PCSK5: variants seen among roughly 807,000 people sequenced by gnomAD.
The protein encoded by PCSK5 is proprotein convertase subtilisin/kexin type 5.
A neutral mutation model predicts 233.2 loss-of-function variants in PCSK5; 129 were observed. That is an observed-to-expected ratio of 0.55 (90% CI 0.48 to 0.64). The LOEUF (loss-of-function observed/expected upper bound fraction) is 0.64, where lower values mean the gene tolerates loss of function less well. Ranked by LOEUF, PCSK5 falls within the 30% of genes least tolerant of loss-of-function variation. The pLI, the probability that PCSK5 is intolerant of heterozygous loss-of-function variation, is 0.00. For missense variants in PCSK5, 2,076 were observed against 2,430.1 expected (o/e 0.85, Z 3.06); for synonymous variants, 825 against 879.2 (o/e 0.94, Z 1.09).
At chr9:76,140,111 TG>T (rs1469249924) in intron 10 of PCSK5, among the ~76,000 whole-genome samples, 2 of 152,166 alleles carry the variant, frequency 1.3e-5, no homozygotes, top group African/African-American at 2.4e-5. Flanking sequence ...GGTTTCATTT[TG>T]TTTTGCCCTT....
intron 22 of PCSK5, among the ~76,000 whole-genome samples, chr9:76,236,325 C>T (rs2131323281): frequency 6.6e-6 from 1 of 152,238 alleles, no homozygotes; most frequent in Admixed American, 6.5e-5. Context: ...ACTTTCTCAC[C>T]TAACAGAATC....
At chr9:75,974,960 AAGCTAG>A (rs1825953752) in intron 2 of PCSK5, among the ~76,000 whole-genome samples, 1 of 152,194 alleles carries the variant, frequency 6.6e-6, no homozygotes, top group Admixed American at 6.5e-5. Context: ...TTGATTCATA[AAGCTAG>A]AGCTTGCCAA....
chr9:76,261,140 T>C (rs895334535), intron 24 of PCSK5, among the ~76,000 whole-genome samples: 53 of 152,236 alleles, frequency 3.5e-4, no homozygotes, highest in African/African-American at 1.2e-3. Flanking sequence ...TTAACAACAC[T>C]AAAGAGGTAC....
intron 24 of PCSK5, among the ~76,000 whole-genome samples, chr9:76,266,331 A>C (rs1020585218): frequency 1.3e-5 from 2 of 152,214 alleles, no homozygotes; most frequent in Non-Finnish European, 2.9e-5. Context: ...ATTGTAAAAA[A>C]TAATTACATG....
At chr9:76,023,530 T>C (rs1449114325) in intron 3 of PCSK5, among the ~76,000 whole-genome samples, 6 of 151,910 alleles carry the variant, frequency 3.9e-5, no homozygotes, top group Non-Finnish European at 7.4e-5. Flanking sequence ...CTGGGCATGG[T>C]GGTGTGCCTT....
chr9:76,199,418 C>G (rs987645654), intron 20 of PCSK5, among the ~76,000 whole-genome samples: 7 of 152,118 alleles, frequency 4.6e-5, no homozygotes, highest in African/African-American at 1.4e-4. Flanking sequence ...TGGTACATGA[C>G]TATAATTAAT....
chr9:76,029,641 C>G (rs1340266831), intron 5 of PCSK5, among the ~76,000 whole-genome samples: 2 of 152,082 alleles, frequency 1.3e-5, no homozygotes, highest in African/African-American at 2.4e-5. Flanking sequence ...TTTTTAAAGC[C>G]AAGCCCAGCC....
chr9:76,092,270 G>GA (rs1831328516), intron 7 of PCSK5, among the ~76,000 whole-genome samples: 1 of 152,180 alleles, frequency 6.6e-6, no homozygotes, highest in Non-Finnish European at 1.5e-5. Context: ...AGACATGGGG[G>GA]ATTTGGCCAG....
chr9:76,159,244 C>G, intron 12 of PCSK5, 73 bp downstream of exon 12: 1 of 1,373,562 alleles, frequency 7.3e-7, no homozygotes, highest in Non-Finnish European at 1.0e-6. Context: ...TAGAAGGGAA[C>G]AGCTGCTGCT....
intron 22 of PCSK5, among the ~76,000 whole-genome samples, chr9:76,235,528 T>G (rs1292760136): frequency 6.6e-6 from 1 of 152,240 alleles, no homozygotes; most frequent in Non-Finnish European, 1.5e-5. Context: ...TCTTAAACAT[T>G]TATTGCATCC....
intron 36 of PCSK5, among the ~76,000 whole-genome samples, chr9:76,352,138 G>T (rs1292576797): frequency 6.6e-6 from 1 of 152,190 alleles, no homozygotes; most frequent in Admixed American, 6.5e-5. Context: ...GCTGCTGCTT[G>T]CCCATCTTTA....
intron 10 of PCSK5, among the ~76,000 whole-genome samples, chr9:76,144,235 T>C (rs904681447): frequency 4.6e-5 from 7 of 151,248 alleles, no homozygotes; most frequent in African/African-American, 1.7e-4. Context: ...ATATGCTTTC[T>C]TAATATACTG....
intron 30 of PCSK5, among the ~76,000 whole-genome samples, chr9:76,320,458 A>G (rs1247982848): frequency 9.7e-6 from 1 of 103,392 alleles, no homozygotes; most frequent in Non-Finnish European, 2.0e-5. Context: ...AAAAAAGTAC[A>G]TTGTAGCTTT....
chr9:76,260,538 AG>A (rs1416521253), intron 24 of PCSK5, among the ~76,000 whole-genome samples: 1 of 152,230 alleles, frequency 6.6e-6, no homozygotes, highest in Non-Finnish European at 1.5e-5. Flanking sequence ...CAAAAAATGC[AG>A]GTGGCATCTA....
intron 2 of PCSK5, among the ~76,000 whole-genome samples, chr9:75,966,186 G>A (rs17061846): frequency 6.8e-6 from 1 of 147,588 alleles, no homozygotes; most frequent in Non-Finnish European, 1.5e-5. Flanking sequence ...ACTGAGGCAG[G>A]GCTAGAAAGG....
At position 76,023,723 on chromosome 9, in the gene PCSK5, C is replaced by A. The variant is rs1563978674; in HGVS notation, c.412-15C>A. 6.3e-7 allele frequency: 1 copy of A among 1,591,254 alleles called. No individual in the cohort carries two copies. The highest frequency in any genetic ancestry group is 1.2e-5 in the South Asian group (1 of 86,730). The stretch of plus-strand genomic sequence containing the variant: ...CACTATTTAGTAATCTTGCAGCATG[C>A]TCTTCTTCTTTCAGCACTGCAGTGA... On this transcript the variant is annotated splice_polypyrimidine_tract_variant and intron_variant, in intron 3 of 37. Transcript: ENST00000674117.
intron 5 of PCSK5, among the ~76,000 whole-genome samples, chr9:76,062,064 T>C (rs1372801465): frequency 6.6e-6 from 1 of 152,082 alleles, no homozygotes; most frequent in Admixed American, 6.5e-5. Context: ...CTGAGTAACA[T>C]AGTGAGACCC....
At chr9:75,894,060 G>C (rs528258984) in intron 1 of PCSK5, among the ~76,000 whole-genome samples, 198 of 152,330 alleles carry the variant, frequency 1.3e-3, no homozygotes, top group Non-Finnish European at 2.2e-3. Flanking sequence ...GCTGAGGGCA[G>C]TAACTAATTT....
intron 10 of PCSK5, among the ~76,000 whole-genome samples, chr9:76,153,701 G>T (rs1823768026): frequency 6.6e-6 from 1 of 152,210 alleles, no homozygotes; most frequent in African/African-American, 2.4e-5. Context: ...TGCCTTTACA[G>T]AAATCAGTAA....
Sources: allele counts gnomAD v4.1 joint callset (sites outside exome capture counted in the v4.1 genomes callset), GRCh38; gene constraint gnomAD v4.1.1; transcripts MANE v1.5; gene names NCBI Gene and HGNC (gene_info 2026-07-23, HGNC 2026-07-21).